Variants in SYNPO2 observed in about 807,000 individuals in gnomAD.
SYNPO2 encodes synaptopodin-2.
SYNPO2 carries 56 observed loss-of-function variants against 85.0 expected under a neutral mutation model. The ratio of observed to expected loss-of-function variants is 0.66; its 90% CI spans 0.53 to 0.82. The LOEUF (loss-of-function observed/expected upper bound fraction) is 0.82, where lower values mean the gene tolerates loss of function less well. Among genes scored for constraint, SYNPO2 ranks in the 40% least tolerant of loss-of-function variants. The pLI is 0.00. For missense variants in SYNPO2, 1,575 were observed against 1,534.2 expected, an observed-to-expected ratio of 1.03 and a Z score of -0.44; for synonymous variants, 602 against 591.1, an observed-to-expected ratio of 1.02 and a Z score of -0.27.
chr4:118,903,681 A>G (rs892241854), intron 1 of SYNPO2, among the ~76,000 whole-genome samples: 2 of 151,668 alleles, frequency 1.3e-5, no homozygotes, highest in East Asian at 1.9e-4. Flanking sequence ...TATTTGGCCA[A>G]ATAAAATCAA....
intron 1 of SYNPO2, among the ~76,000 whole-genome samples, chr4:118,959,100 C>G (rs903034868): frequency 6.6e-6 from 1 of 152,096 alleles, no homozygotes; most frequent in Non-Finnish European, 1.5e-5. Context: ...TGGTAACACT[C>G]AATCTATTAT....
Position 119,031,893 on chromosome 4 carries a change from GCCT to G in SYNPO2, c.3123_3125del (p.Ser1042del). The G allele has an allele frequency of 6.2e-7, 1 of 1,614,168 alleles. No homozygotes were observed. Among genetic ancestry groups the G allele is most frequent in the Non-Finnish European group, 8.5e-7 (1 of 1,180,038 alleles). On this transcript the variant is annotated inframe_deletion, in exon 4 of 5. Transcript: ENST00000307142. The stretch of plus-strand genomic sequence containing the variant: ...CTCTCCTCCTTCCTTCTTTGCAGAG[GCCT>G]CCTCACCAGTCAGTGCATCCCCAGT...
At chr4:118,940,833 C>T (rs2149137523) in intron 1 of SYNPO2, among the ~76,000 whole-genome samples, 1 of 152,284 alleles carries the variant, frequency 6.6e-6, no homozygotes, top group Non-Finnish European at 1.5e-5. Flanking sequence ...CCTCCCACCT[C>T]TCTCCTGTCA....
intron 1 of SYNPO2, among the ~76,000 whole-genome samples, chr4:118,920,989 C>T (rs1260822528): frequency 1.3e-5 from 2 of 151,928 alleles, no homozygotes; most frequent in Non-Finnish European, 2.9e-5. Flanking sequence ...TGTCAGACTC[C>T]TGGGATCTGG....
intron 1 of SYNPO2, among the ~76,000 whole-genome samples, chr4:118,904,130 T>G (rs1468642355): frequency 6.6e-6 from 1 of 152,234 alleles, no homozygotes; most frequent in East Asian, 1.9e-4. Context: ...GTGCCTCAGT[T>G]TCCTCATTTG....
intron 1 of SYNPO2, among the ~76,000 whole-genome samples, chr4:118,855,444 G>A (rs527857417): frequency 6.6e-6 from 1 of 152,106 alleles, no homozygotes; most frequent in East Asian, 1.9e-4. Flanking sequence ...TCAATACAAA[G>A]CAATCATAAT....
intron 1 of SYNPO2, among the ~76,000 whole-genome samples, chr4:118,983,838 A>G (rs1039566365): frequency 1.3e-5 from 2 of 152,164 alleles, no homozygotes; most frequent in Admixed American, 6.5e-5. Context: ...CCTATATCAT[A>G]GGCAAACATT....
At chr4:118,876,041 T>C (rs1359463496) in intron 1 of SYNPO2, among the ~76,000 whole-genome samples, 2 of 152,224 alleles carry the variant, frequency 1.3e-5, no homozygotes, top group East Asian at 1.9e-4. Flanking sequence ...ACAAAAATCT[T>C]AACCAAATTT....
At chr4:118,893,528 A>T (rs1164123830) in intron 1 of SYNPO2, among the ~76,000 whole-genome samples, 2 of 152,224 alleles carry the variant, frequency 1.3e-5, no homozygotes, top group African/African-American at 2.4e-5. Flanking sequence ...GCTACAAAAA[A>T]TGATGAGATT....
intron 1 of SYNPO2, among the ~76,000 whole-genome samples, chr4:118,923,838 T>C (rs1308886096): frequency 6.9e-6 from 1 of 145,916 alleles, no homozygotes; most frequent in Non-Finnish European, 1.5e-5. Flanking sequence ...ACCACTCTTA[T>C]GGAAAAATTC....
Position 119,030,160 on chromosome 4 carries a change from TTGAC to T in SYNPO2, c.1388_1391del (p.Asp463GlyfsTer12). The T allele has an allele frequency of 1.9e-6, 3 of 1,614,010 alleles. No individual in the cohort carries two copies. Among genetic ancestry groups the T allele is most frequent in the African/African-American group, 1.3e-5 (1 of 74,972 alleles). On this transcript the variant is annotated frameshift_variant, in exon 4 of 5. Transcript: ENST00000307142. LOFTEE classifies it high-confidence loss of function. Reference sequence around the variant, plus strand: ...GACGACAACACACAAGTTGTGAACTTTGACTGGGATTCTGGACTGGTGGACATTG... The same window carrying T: ...GACGACAACACACAAGTTGTGAACTTTGGGATTCTGGACTGGTGGACATTG...
intron 1 of SYNPO2, among the ~76,000 whole-genome samples, chr4:119,014,600 T>C (rs1056090691): frequency 6.6e-6 from 1 of 152,190 alleles, no homozygotes; most frequent in Non-Finnish European, 1.5e-5. Flanking sequence ...ACATGGTAAA[T>C]ATCAATAGAC....
chr4:118,968,758 CA>C (rs2149153819), intron 1 of SYNPO2, among the ~76,000 whole-genome samples: 1 of 152,224 alleles, frequency 6.6e-6, no homozygotes, highest in East Asian at 1.9e-4. Context: ...TTTAAAATTT[CA>C]AATGAATGGC....
chr4:118,904,149 G>A (rs146698074), intron 1 of SYNPO2, among the ~76,000 whole-genome samples: 1 of 152,206 alleles, frequency 6.6e-6, no homozygotes, highest in Non-Finnish European at 1.5e-5. Context: ...TGTAACATGG[G>A]GATAGTCATA....
At chr4:119,015,363 C>T (rs1737487571) in intron 1 of SYNPO2, among the ~76,000 whole-genome samples, 1 of 152,088 alleles carries the variant, frequency 6.6e-6, no homozygotes, top group South Asian at 2.1e-4. Context: ...TCTTCTTTAT[C>T]TGTAGTTTTA....
chr4:118,879,030 T>C (rs1731999508), intron 1 of SYNPO2, among the ~76,000 whole-genome samples: 1 of 152,060 alleles, frequency 6.6e-6, no homozygotes, highest in Admixed American at 6.5e-5. Context: ...CAGGGAGGAA[T>C]GAACAACTCC....
rs1250894759 is a variant in SYNPO2 at position 118,879,123 on chromosome 4, G to A, written c.12+28183G>A. Among the ~76,000 whole-genome samples, 11 of 152,114 alleles carry A rather than the reference G, an allele frequency of 7.2e-5. No individual in the cohort carries two copies. In the South Asian group the frequency reaches 8.3e-4, roughly 11 times the overall value. ...TGAAGTGAACAAGACCACAGAACTC[G>A]CCAGAAGGAAGAAACTCCCGACACA... On this transcript the variant is annotated intron_variant, in intron 1 of 4. Transcript: ENST00000610556.
intron 1 of SYNPO2, among the ~76,000 whole-genome samples, chr4:118,942,461 C>G (rs143092249): frequency 6.6e-6 from 1 of 152,126 alleles, no homozygotes; most frequent in Non-Finnish European, 1.5e-5. Flanking sequence ...TCGTGTTTCA[C>G]CTGGAAAGCA....
At chr4:119,057,159 G>C (rs1739231569) in intron 4 of SYNPO2, among the ~76,000 whole-genome samples, 1 of 152,158 alleles carries the variant, frequency 6.6e-6, no homozygotes, top group Non-Finnish European at 1.5e-5. Flanking sequence ...GAGCAACTAG[G>C]AGGGCCAAGT....
Sources: gnomAD v4.1 joint callset for allele counts (sites outside exome capture counted in the v4.1 genomes callset) on GRCh38, gnomAD v4.1.1 for gene constraint, MANE v1.5 for transcripts, NCBI Gene and HGNC (gene_info 2026-07-23, HGNC 2026-07-21) for gene names.